Variants in OCA2 observed in about 807,000 individuals in gnomAD.
OCA2 encodes the protein P protein.
Under a neutral mutation model 100.2 loss-of-function variants are expected in OCA2, and 77 were observed. The observed-to-expected ratio is 0.77, with a 90% CI of 0.64 to 0.93. The LOEUF (loss-of-function observed/expected upper bound fraction) is 0.93, where lower values mean the gene tolerates loss of function less well. Among genes scored for constraint, OCA2 ranks in the 40% least tolerant of loss-of-function variants. The pLI is 0.00. For missense variants in OCA2, 1,062 were observed against 1,089.1 expected (o/e 0.98, Z 0.35); for synonymous variants, 432 against 439.2 (o/e 0.98, Z 0.21).
chr15:28,059,133 C>T (rs974731939), intron 2 of OCA2, among the ~76,000 whole-genome samples: 11 of 152,214 alleles, frequency 7.2e-5, no homozygotes, highest in African/African-American at 2.7e-4. Context: ...GTTTGAAAGC[C>T]TGCCCTGTCC....
intron 9 of OCA2, among the ~76,000 whole-genome samples, chr15:28,003,722 C>G (rs1007778328): frequency 6.6e-6 from 1 of 152,130 alleles, no homozygotes; most frequent in Admixed American, 6.5e-5. Context: ...AACGGGATCT[C>G]AGAGTTGGCG....
At chr15:27,998,304 C>A (rs1159344071) in intron 9 of OCA2, among the ~76,000 whole-genome samples, 2 of 88,142 alleles carry the variant, frequency 2.3e-5, no homozygotes, top group African/African-American at 5.4e-5. Flanking sequence ...ACTCATCTGA[C>A]AAAGGGCTAG....
At chr15:28,032,792 C>CA (rs34369918) in intron 2 of OCA2, among the ~76,000 whole-genome samples, 21,381 of 107,272 alleles carry the variant, frequency 0.2, 2,658 homozygotes, top group Non-Finnish European at 0.32. Flanking sequence ...GACTCTGTCT[C>CA]AAAAAAAAAA....
At chr15:27,732,315 T>A in the OCA2 span, among the ~76,000 whole-genome samples, 1 of 152,170 alleles carries the variant, frequency 6.6e-6, no homozygotes, top group Admixed American at 6.5e-5. Flanking sequence ...TTGGTTTCTA[T>A]CTTCAGCACC....
chr15:27,969,706 C>T (rs561879898), intron 14 of OCA2, among the ~76,000 whole-genome samples: 26 of 152,120 alleles, frequency 1.7e-4, no homozygotes, highest in Non-Finnish European at 3.5e-4. Flanking sequence ...AAGAGGAACC[C>T]TCAATCAGAT....
At chr15:28,031,837 T>C (rs1166838094) in intron 3 of OCA2, among the ~76,000 whole-genome samples, 1 of 152,156 alleles carries the variant, frequency 6.6e-6, no homozygotes, top group Admixed American at 6.5e-5. Flanking sequence ...TGCATGAGTG[T>C]GCGTGTGTGC....
chr15:27,910,929 C>G (rs1481404067), intron 19 of OCA2, among the ~76,000 whole-genome samples: 1 of 151,462 alleles, frequency 6.6e-6, no homozygotes, highest in African/African-American at 2.4e-5. Context: ...GCACTCCAGC[C>G]TGGGCAACAG....
At chr15:27,824,388 GGAAA>G (rs750718361) in intron 23 of OCA2, among the ~76,000 whole-genome samples, 6 of 150,394 alleles carry the variant, frequency 4.0e-5, no homozygotes, top group Non-Finnish European at 7.4e-5. Flanking sequence ...AAAGAAAGAA[GGAAA>G]GAAAGAAAGA....
intron 18 of OCA2, among the ~76,000 whole-genome samples, chr15:27,950,867 T>C (rs1213817112): frequency 1.3e-5 from 2 of 152,176 alleles, no homozygotes; most frequent in Non-Finnish European, 2.9e-5. Context: ...AATTTCACAG[T>C]GAACCAAGGT....
At chr15:28,024,970 T>G (rs1157859821) in intron 4 of OCA2, 68 bp from the exon 5 acceptor site, 1 of 1,454,572 alleles carries the variant, frequency 6.9e-7, no homozygotes. Context: ...CAGACACTTT[T>G]CTGCAGCCTT....
At chr15:27,983,599 A>C in intron 13 of OCA2, 116 bp from the exon 14 acceptor site, 1 of 1,088,102 alleles carries the variant, frequency 9.2e-7, no homozygotes. Flanking sequence ...GCACACACAC[A>C]CACCCCTGTG....
chr15:27,930,199 T>C (rs1226948732), intron 18 of OCA2, among the ~76,000 whole-genome samples: 2 of 152,168 alleles, frequency 1.3e-5, no homozygotes, highest in Admixed American at 6.5e-5. Context: ...ATGTTTGCTG[T>C]AGTCTTAGTT....
chr15:27,779,876 C>T lies in OCA2; in HGVS notation c.2433-24404G>A, dbSNP rs181753584. ...CTCTTGCCATCTTGCCTTGTGTTTC[C>T]TTGTGCTTTTGTTTATACTGATATG... On this transcript the variant is annotated intron_variant, in intron 23 of 23. Coordinates refer to ENST00000354638, the MANE Select transcript of OCA2 (RefSeq NM_000275.3). Among the ~76,000 whole-genome samples, 660 of 152,038 alleles carry T rather than the reference C, an allele frequency of 4.3e-3. 3 individuals are homozygous for T. Among genetic ancestry groups the T allele is most frequent in the Non-Finnish European group, 7.7e-3 (523 of 67,982 alleles).
At chr15:27,987,444 G>C (rs771108860) in intron 11 of OCA2, among the ~76,000 whole-genome samples, 1 of 152,254 alleles carries the variant, frequency 6.6e-6, no homozygotes, top group Non-Finnish European at 1.5e-5. Context: ...TTGAGGCTGG[G>C]TGTGGTGGCT....
intron 18 of OCA2, among the ~76,000 whole-genome samples, chr15:27,951,244 G>A (rs2040017403): frequency 6.6e-6 from 1 of 152,188 alleles, no homozygotes; most frequent in East Asian, 1.9e-4. Context: ...GAGAGCCATG[G>A]GTGTGGTGAA....
intron 19 of OCA2, among the ~76,000 whole-genome samples, chr15:27,903,576 G>T (rs1457869223): frequency 6.6e-6 from 1 of 152,154 alleles, no homozygotes; most frequent in Admixed American, 6.5e-5. Flanking sequence ...GAAAGTCCCG[G>T]GCTTCCCCCA....
chr15:27,896,176 C>A, intron 19 of OCA2: 4 of 919,034 alleles, frequency 4.4e-6, no homozygotes, highest in East Asian at 2.4e-5. Flanking sequence ...GTTTTTGGTG[C>A]CCTGAAGAGA....
intron 2 of OCA2, among the ~76,000 whole-genome samples, chr15:28,046,584 A>G (rs2043354687): frequency 6.6e-6 from 1 of 152,202 alleles, no homozygotes; most frequent in South Asian, 2.1e-4. Context: ...AGAAGCCACC[A>G]GGGAGCTCTA....
At chr15:27,829,103 T>C (rs1207955136) in intron 23 of OCA2, among the ~76,000 whole-genome samples, 1 of 152,158 alleles carries the variant, frequency 6.6e-6, no homozygotes, top group Non-Finnish European at 1.5e-5. Flanking sequence ...AACGGACAGC[T>C]TCCACTGACT....
Sources: allele counts gnomAD v4.1 joint callset (sites outside exome capture counted in the v4.1 genomes callset), GRCh38; gene constraint gnomAD v4.1.1; transcripts MANE v1.5; gene names NCBI Gene and HGNC (gene_info 2026-07-23, HGNC 2026-07-21).